The following KCNQ1OT1 variants were observed in gnomAD, a reference collection of about 807,000 sequenced individuals.
The protein encoded by KCNQ1OT1 is KCNQ1 antisense RNA 2 (non-protein coding).
rs75434265 is a variant in KCNQ1OT1, at chr11:2,610,952, C to A, written n.89043G>T. 1,107 of 398,272 alleles carry A rather than the reference C, an allele frequency of 2.8e-3. 10 individuals carry two copies. Among genetic ancestry groups the A allele is most frequent in the African/African-American group, 0.021 (1,014 of 48,660 alleles). 24.7% of individuals were successfully genotyped at this position (398,272 alleles called of 1,614,324 possible). A position where few individuals can be genotyped will look rare whatever the true frequency, so the allele number is the denominator to read the frequency against. On this transcript the variant is annotated non_coding_transcript_exon_variant, in exon 1 of 1. Coordinates refer to ENST00000597346, the Ensembl canonical transcript of KCNQ1OT1. ...TCACTCTGAATAATTGATAGAACAA[C>A]AAGACAGAAAATCAACAAGAGTTAG...
Position 2,668,456 on chromosome 11 carries a change from G to C in KCNQ1OT1, n.31539C>G, listed in dbSNP as rs1850123288. 7.5e-6 allele frequency: 3 copies of C among 398,416 alleles called. No individual in the cohort carries two copies. The Admixed American group carries it at 1.3e-4, about 18-fold the overall frequency. 24.7% of individuals were successfully genotyped at this position (398,416 alleles called of 1,614,324 possible). On this transcript the variant is annotated non_coding_transcript_exon_variant, in exon 1 of 1. Coordinates refer to ENST00000597346, the Ensembl canonical transcript of KCNQ1OT1. This position sits in a 1 kb window ranked among gnomAD's most constrained non-coding sequence, Gnocchi z 4.3. ...CTGGCTGCTCCACATCCTAACACTT[G>C]GCATTTTCCGTCGTTTCCTTTTCAG...
In KCNQ1OT1 at chr11:2,651,245, A is replaced by C. The variant is rs1849752087; in HGVS notation, n.48750T>G. ...TCTCACAGCACACACAGCTTAATTC[A>C]GGAATTAAGCTGTGCTGGTCACTTA... On this transcript the variant is annotated non_coding_transcript_exon_variant, in exon 1 of 1. Transcript: ENST00000597346. This position sits in a 1 kb window ranked among gnomAD's most constrained non-coding sequence, Gnocchi z 6.1. The C allele has an allele frequency of 5.0e-6, 2 of 398,634 alleles. No individual in the cohort carries two copies. The highest frequency in any genetic ancestry group is 8.8e-6 in the Non-Finnish European group (2 of 226,082). The allele number at this position is 398,634 out of a possible 1,614,324, so 24.7% of individuals were successfully genotyped here.
exon 1 of KCNQ1OT1, chr11:2,615,401 A>AT (rs1849044198): frequency 2.5e-6 from 1 of 397,844 alleles, no homozygotes; most frequent in South Asian, 1.3e-4. Flanking sequence ...TTGTTTATTT[A>AT]TCTGCCTAAT....
chr11:2,630,716 C>T, exon 1 of KCNQ1OT1: 1 of 398,364 alleles, frequency 2.5e-6, no homozygotes, highest in Non-Finnish European at 4.4e-6. Context: ...AATTATCATC[C>T]TTCCATTTAA....
chr11:2,688,317 T>TCA (rs1336320032), exon 1 of KCNQ1OT1: 1 of 398,754 alleles, frequency 2.5e-6, no homozygotes, highest in Non-Finnish European at 4.4e-6. Flanking sequence ...TCTAAGCACG[T>TCA]CACACACACA....
rs1037362275 is a variant in KCNQ1OT1, at chr11:2,658,183, T to A, written n.41812A>T. The A allele has an allele frequency of 5.0e-6, 2 of 398,612 alleles. No individual in the cohort carries two copies. The highest frequency in any genetic ancestry group is 8.8e-6 in the Non-Finnish European group (2 of 226,048). 24.7% of individuals were successfully genotyped at this position (398,612 alleles called of 1,614,324 possible). ...ATTTCAAGGAAGAAACTGTGAAGTTTCTGAGTTTCACTAACTAATTTCAGC... is the reference window on the plus strand; with the variant it reads ...ATTTCAAGGAAGAAACTGTGAAGTTACTGAGTTTCACTAACTAATTTCAGC... On this transcript the variant is annotated non_coding_transcript_exon_variant, in exon 1 of 1. Transcript: ENST00000597346. This position sits in a 1 kb window ranked among gnomAD's most constrained non-coding sequence, Gnocchi z 4.9.
In KCNQ1OT1 at chr11:2,683,009, A is replaced by C; in HGVS notation, n.16986T>G. 1 of 398,624 alleles carries C rather than the reference A, an allele frequency of 2.5e-6. No homozygotes were observed. The highest frequency in any genetic ancestry group is 4.4e-6 in the Non-Finnish European group (1 of 226,094). The allele number at this position is 398,624 out of a possible 1,614,324, so 24.7% of individuals were successfully genotyped here. On this transcript the variant is annotated non_coding_transcript_exon_variant, in exon 1 of 1. Coordinates refer to ENST00000597346, the Ensembl canonical transcript of KCNQ1OT1. This position sits in a 1 kb window ranked among gnomAD's most constrained non-coding sequence, Gnocchi z 4.7. ...CATCTCCCTTGTGCTGTGCAGCCTT[A>C]GTTCTGCCTCCTGAGAGAGGTGACC... is the stretch of plus-strand genomic sequence containing the variant.
rs1177568000 is a variant in KCNQ1OT1, at chr11:2,679,649, C to G, written n.20346G>C. On this transcript the variant is annotated non_coding_transcript_exon_variant, in exon 1 of 1. Coordinates refer to ENST00000597346, the Ensembl canonical transcript of KCNQ1OT1. The surrounding 1 kb of genome is among the most constrained non-coding windows in gnomAD (Gnocchi z 4.8). ...GCATCAGAAAAAATACAAGTGCATCCTCATAAGATTATTTAGGATGCATAG... is the reference window on the plus strand; with the variant it reads ...GCATCAGAAAAAATACAAGTGCATCGTCATAAGATTATTTAGGATGCATAG... 1 of 398,430 alleles carries G rather than the reference C, an allele frequency of 2.5e-6. No individual in the cohort carries two copies. Among genetic ancestry groups the G allele is most frequent in the Non-Finnish European group, 4.4e-6 (1 of 226,066 alleles). 24.7% of individuals were successfully genotyped at this position (398,430 alleles called of 1,614,324 possible). A position where few individuals can be genotyped will look rare whatever the true frequency, so the allele number is the denominator to read the frequency against.
At position 2,690,408 on chromosome 11, in the gene KCNQ1OT1, C is replaced by T. The variant is rs188716611; in HGVS notation, n.9587G>A. 7.7e-4 allele frequency: 308 copies of T among 398,678 alleles called. 2 individuals are homozygous for T. Among genetic ancestry groups the T allele is most frequent in the Non-Finnish European group, 1.5e-4 (33 of 226,118 alleles). 24.7% of individuals were successfully genotyped at this position (398,678 alleles called of 1,614,324 possible). On this transcript the variant is annotated non_coding_transcript_exon_variant, in exon 1 of 1. Transcript: ENST00000597346. This position sits in a 1 kb window ranked among gnomAD's most constrained non-coding sequence, Gnocchi z 5.1. ...CAGACCAAAAGAGCTATCTCTCTCC[C>T]TGCGAAAGGCTGGGGTCCTGGGAGC... is the stretch of plus-strand genomic sequence containing the variant.
In KCNQ1OT1 at chr11:2,612,037, C is replaced by T. The variant is rs1462109954; in HGVS notation, n.87958G>A. The T allele has an allele frequency of 1.0e-5, 4 of 398,482 alleles. No homozygotes were observed. The highest frequency in any genetic ancestry group is 2.1e-5 in the African/African-American group (1 of 48,626). The allele number at this position is 398,482 out of a possible 1,614,324, so 24.7% of individuals were successfully genotyped here. A position where few individuals can be genotyped will look rare whatever the true frequency, so the allele number is the denominator to read the frequency against. On this transcript the variant is annotated non_coding_transcript_exon_variant, in exon 1 of 1. Coordinates refer to ENST00000597346, the Ensembl canonical transcript of KCNQ1OT1. This position sits in a 1 kb window ranked among gnomAD's most constrained non-coding sequence, Gnocchi z 5.5. ...CTTAATTCCACATATGTTTTCTACT[C>T]TTAATTACATATATGTTACAACTTA...
exon 1 of KCNQ1OT1, chr11:2,610,716 CTTTTTTTTTTTTTT>C (rs1167505141): frequency 1.9e-4 from 43 of 230,022 alleles, no homozygotes; most frequent in Middle Eastern, 9.2e-4. Flanking sequence ...TCTTGGTTGG[CTTTTTTTTTTTTTT>C]TTTTTTTTTT....
chr11:2,622,606 T>A (rs572069691), exon 1 of KCNQ1OT1: 1 of 398,592 alleles, frequency 2.5e-6, no homozygotes, highest in South Asian at 1.3e-4. Context: ...TTACATTTTT[T>A]AAATACAACA....
At chr11:2,689,164 G>A (rs1188476096) in exon 1 of KCNQ1OT1, 1 of 398,632 alleles carries the variant, frequency 2.5e-6, no homozygotes, top group African/African-American at 2.1e-5. Context: ...TGGCTCAAGG[G>A]CCTGCTCCTC....
rs909307084 is a variant in KCNQ1OT1 at position 2,613,390 on chromosome 11, A to G, written n.86605T>C. 2.5e-6 allele frequency: 1 copy of G among 398,506 alleles called. No homozygotes were observed. The highest frequency in any genetic ancestry group is 3.6e-5 in the East Asian group (1 of 28,068). The allele number at this position is 398,506 out of a possible 1,614,324, so 24.7% of individuals were successfully genotyped here. On this transcript the variant is annotated non_coding_transcript_exon_variant, in exon 1 of 1. Coordinates refer to ENST00000597346, the Ensembl canonical transcript of KCNQ1OT1. This position sits in a 1 kb window ranked among gnomAD's most constrained non-coding sequence, Gnocchi z 4.8. Reference sequence around the variant, plus strand: ...GTTGCTGTGATGTGGGTTGCCTCCAATTATTTGCCACTGAAATCCTTGTTG... The same window carrying G: ...GTTGCTGTGATGTGGGTTGCCTCCAGTTATTTGCCACTGAAATCCTTGTTG...
exon 1 of KCNQ1OT1, chr11:2,609,054 G>A (rs1848931734): frequency 2.5e-6 from 1 of 397,746 alleles, no homozygotes; most frequent in South Asian, 1.3e-4. Flanking sequence ...TTATTATTTT[G>A]TTTTTTCTAC....
chr11:2,695,512 C>A lies in KCNQ1OT1; in HGVS notation n.4483G>T. On this transcript the variant is annotated non_coding_transcript_exon_variant, in exon 1 of 1. Transcript: ENST00000597346. This position sits in a 1 kb window ranked among gnomAD's most constrained non-coding sequence, Gnocchi z 5.2. ...TGTACATCTAGTCCCCTGCTCCTAA[C>A]CACAGTGACCAGCTCCAACTGCCCA... 2.5e-6 allele frequency: 1 copy of A among 398,684 alleles called. No homozygotes were observed. Among genetic ancestry groups the A allele is most frequent in the Non-Finnish European group, 4.4e-6 (1 of 226,122 alleles). The allele number at this position is 398,684 out of a possible 1,614,324, so 24.7% of individuals were successfully genotyped here.
exon 1 of KCNQ1OT1, chr11:2,665,530 T>A: frequency 2.5e-6 from 1 of 393,788 alleles, no homozygotes; most frequent in Non-Finnish European, 4.4e-6. Flanking sequence ...CCATCTAGAA[T>A]GCCCTTGTCA....
In KCNQ1OT1 at chr11:2,698,668, C is replaced by T. The variant is rs978548928; in HGVS notation, n.1327G>A. On this transcript the variant is annotated non_coding_transcript_exon_variant, in exon 1 of 1. Transcript: ENST00000597346. The surrounding 1 kb of genome is among the most constrained non-coding windows in gnomAD (Gnocchi z 5.1). ...AATCCCAATCTCTTAACTCAGAGCC[C>T]CCCATTCAGAACCTCTACCCAAAGA... 2.5e-6 allele frequency: 1 copy of T among 398,800 alleles called. No homozygotes were observed. Among genetic ancestry groups the T allele is most frequent in the Non-Finnish European group, 4.4e-6 (1 of 226,120 alleles). The allele number at this position is 398,800 out of a possible 1,614,324, so 24.7% of individuals were successfully genotyped here. A position where few individuals can be genotyped will look rare whatever the true frequency, so the allele number is the denominator to read the frequency against.
rs2092985894 is a variant in KCNQ1OT1, at chr11:2,645,726, A to G, written n.54269T>C. The stretch of plus-strand genomic sequence containing the variant: ...TCAGGAGTGGCAACCAGCTTTGTGT[A>G]AGGGATGTCCATGGGGCTCCAGGGA... On this transcript the variant is annotated non_coding_transcript_exon_variant, in exon 1 of 1. Coordinates refer to ENST00000597346, the Ensembl canonical transcript of KCNQ1OT1. The surrounding 1 kb of genome is among the most constrained non-coding windows in gnomAD (Gnocchi z 5.8). The G allele has an allele frequency of 2.5e-6, 1 of 398,800 alleles. No individual in the cohort carries two copies. The highest frequency in any genetic ancestry group is 4.4e-6 in the Non-Finnish European group (1 of 226,228). 24.7% of individuals were successfully genotyped at this position (398,800 alleles called of 1,614,324 possible).
Sources: allele counts gnomAD v4.1 joint callset, GRCh38; gene constraint gnomAD v4.1.1; non-coding constraint Gnocchi (gnomAD v3.1); transcripts MANE v1.5; gene names NCBI Gene and HGNC (gene_info 2026-07-23, HGNC 2026-07-21).